The following SNTB1 variants were observed in gnomAD, a reference collection of about 807,000 sequenced individuals.
SNTB1 encodes beta-1-syntrophin.
Under a neutral mutation model 48.9 loss-of-function variants are expected in SNTB1, and 36 were observed. That is an observed-to-expected ratio of 0.74 (90% CI 0.56 to 0.97). The LOEUF (loss-of-function observed/expected upper bound fraction) is 0.97, where lower values mean the gene tolerates loss of function less well. SNTB1 is among the 50% of genes least tolerant of loss of function. SNTB1 has a pLI of 0.00. For synonymous variants in SNTB1, 299 were observed against 294.6 expected (o/e 1.01, Z -0.15); for missense variants, 786 against 703.4 (o/e 1.12, Z -1.33).
chr8:120,544,689 A>G (rs1289519803), intron 5 of SNTB1, among the ~76,000 whole-genome samples: 4 of 152,116 alleles, frequency 2.6e-5, no homozygotes, highest in Non-Finnish European at 5.9e-5. Flanking sequence ...ACACTCCCCA[A>G]ATGGTTGCAC....
At chr8:120,710,567 GT>G (rs1483589742) in intron 1 of SNTB1, among the ~76,000 whole-genome samples, 1 of 152,202 alleles carries the variant, frequency 6.6e-6, no homozygotes, top group African/African-American at 2.4e-5. Flanking sequence ...CTTTTGGGAA[GT>G]GATTAGGTCA....
At position 120,548,994 on chromosome 8, in the gene SNTB1, A is replaced by G. The variant is rs561845090; in HGVS notation, c.1137-36T>C. 22 of 1,499,442 alleles carry G rather than the reference A, an allele frequency of 1.5e-5. No homozygotes were observed. In the African/African-American group the frequency reaches 2.0e-4, roughly 13 times the overall value. 92.9% of individuals were successfully genotyped at this position (1,499,442 alleles called of 1,614,324 possible). A position where few individuals can be genotyped will look rare whatever the true frequency, so the allele number is the denominator to read the frequency against. ...AGAGAGAGAGACATCATCAAAATGG[A>G]GACTAGTTTATTCACCTGGCATATC... On this transcript the variant is annotated intron_variant, in intron 4 of 6. Transcript: ENST00000517992.
At chr8:120,578,994 T>C (rs1165960353) in intron 3 of SNTB1, among the ~76,000 whole-genome samples, 1 of 152,052 alleles carries the variant, frequency 6.6e-6, no homozygotes, top group African/African-American at 2.4e-5. Flanking sequence ...CTGGCCAGCA[T>C]GGTGAAATGC....
chr8:120,664,201 A>C (rs1817637708), intron 2 of SNTB1, among the ~76,000 whole-genome samples: 1 of 152,212 alleles, frequency 6.6e-6, no homozygotes, highest in Non-Finnish European at 1.5e-5. Flanking sequence ...AGCATTTGAC[A>C]TGGGGCATAA....
intron 4 of SNTB1, among the ~76,000 whole-genome samples, chr8:120,567,882 C>G (rs1372562754): frequency 2.6e-5 from 4 of 152,040 alleles, no homozygotes; most frequent in African/African-American, 9.7e-5. Flanking sequence ...GACCTCAATA[C>G]AAGATTTTTA....
At chr8:120,627,811 C>T (rs1022868615) in intron 3 of SNTB1, among the ~76,000 whole-genome samples, 1 of 152,094 alleles carries the variant, frequency 6.6e-6, no homozygotes, top group Non-Finnish European at 1.5e-5. Context: ...GTTTCCTGGG[C>T]CCGTTTATTA....
chr8:120,811,131 TCC>T (rs71308610), intron 1 of SNTB1, 140 bp downstream of exon 1: 183 of 1,012,286 alleles, frequency 1.8e-4, no homozygotes, highest in Middle Eastern at 3.5e-4. Context: ...GCGCCACCCT[TCC>T]CCCCCCCCCA....
chr8:120,661,050 T>TA (rs1817580113), intron 2 of SNTB1, among the ~76,000 whole-genome samples: 1 of 152,136 alleles, frequency 6.6e-6, no homozygotes, highest in African/African-American at 2.4e-5. Context: ...CAGATCACCA[T>TA]AATAGATACA....
intron 1 of SNTB1, among the ~76,000 whole-genome samples, chr8:120,732,130 CTGTGGCAG>C (rs1384635918): frequency 6.6e-6 from 1 of 152,158 alleles, no homozygotes; most frequent in African/African-American, 2.4e-5. Context: ...TAACAGGGTA[CTGTGGCAG>C]TGTTTGTTTC....
intron 1 of SNTB1, among the ~76,000 whole-genome samples, chr8:120,732,562 C>T (rs1242665731): frequency 6.6e-6 from 1 of 152,166 alleles, no homozygotes; most frequent in Non-Finnish European, 1.5e-5. Flanking sequence ...CTTTGAGACA[C>T]TTGCAGGCGG....
intron 2 of SNTB1, among the ~76,000 whole-genome samples, chr8:120,683,102 C>A (rs1817963732): frequency 6.6e-6 from 1 of 151,996 alleles, no homozygotes. Flanking sequence ...AGGATGGTCT[C>A]AATCTCCTGA....
chr8:120,628,919 G>A (rs1816932785), intron 3 of SNTB1, among the ~76,000 whole-genome samples: 1 of 152,128 alleles, frequency 6.6e-6, no homozygotes, highest in Non-Finnish European at 1.5e-5. Context: ...AGTTACTTGG[G>A]AGGCTGAGGC....
chr8:120,637,566 A>T (rs1017051733), intron 2 of SNTB1: 1 of 201,278 alleles, frequency 5.0e-6, no homozygotes, highest in Non-Finnish European at 1.0e-5. Context: ...TGCAATAATA[A>T]CACAAAGTGT....
intron 2 of SNTB1, chr8:120,637,924 T>C: frequency 4.4e-6 from 1 of 226,962 alleles, no homozygotes. Flanking sequence ...TTCTAAAGCT[T>C]CTTTGGCTTC....
chr8:120,548,979 A>G, intron 4 of SNTB1, 21 bp from the exon 5 acceptor site: 1 of 1,525,118 alleles, frequency 6.6e-7, no homozygotes, highest in Non-Finnish European at 8.8e-7. Flanking sequence ...AGAGAGAGAG[A>G]CATCATCAAA....
At chr8:120,626,108 G>T (rs1469208236) in intron 3 of SNTB1, among the ~76,000 whole-genome samples, 1 of 152,108 alleles carries the variant, frequency 6.6e-6, no homozygotes, top group African/African-American at 2.4e-5. Context: ...TCACTTGGTT[G>T]GTTCTAGTTA....
At chr8:120,699,340 G>T (rs1414722894) in intron 1 of SNTB1, among the ~76,000 whole-genome samples, 1 of 152,202 alleles carries the variant, frequency 6.6e-6, no homozygotes, top group Non-Finnish European at 1.5e-5. Context: ...CCTAGTGGAG[G>T]TATTGGATCA....
At chr8:120,767,128 C>T (rs1354022885) in intron 1 of SNTB1, among the ~76,000 whole-genome samples, 1 of 152,230 alleles carries the variant, frequency 6.6e-6, no homozygotes, top group East Asian at 1.9e-4. Context: ...AGCCTAGTCA[C>T]TACCTTGTGT....
chr8:120,667,321 G>A (rs1817689084), intron 2 of SNTB1, among the ~76,000 whole-genome samples: 2 of 152,064 alleles, frequency 1.3e-5, no homozygotes, highest in African/African-American at 2.4e-5. Flanking sequence ...GCCCCTGGCT[G>A]CCCCTCCCCT....
Sources: gnomAD v4.1 joint callset for allele counts (sites outside exome capture counted in the v4.1 genomes callset) on GRCh38, gnomAD v4.1.1 for gene constraint, MANE v1.5 for transcripts, NCBI Gene and HGNC (gene_info 2026-07-23, HGNC 2026-07-21) for gene names.